Variants in C1orf105 observed in about 807,000 individuals in gnomAD.
The protein encoded by C1orf105 is uncharacterized protein C1orf105.
In C1orf105, 17 loss-of-function variants were observed where a neutral mutation model predicts 20.8. The ratio of observed to expected loss-of-function variants is 0.82; its 90% CI spans 0.56 to 1.23. The LOEUF is 1.23. Among genes scored for constraint, C1orf105 ranks in the 50% most tolerant of loss-of-function variants. The pLI, the probability that C1orf105 is intolerant of heterozygous loss-of-function variation, is 0.00. For synonymous variants in C1orf105, 72 were observed against 72.1 expected, an observed-to-expected ratio of 1.00 and a Z score of 0.01; for missense variants, 219 against 213.5, an observed-to-expected ratio of 1.03 and a Z score of -0.16.
chr1:172,467,636 G>C (rs954804641), intron 6 of C1orf105, among the ~76,000 whole-genome samples: 2 of 152,148 alleles, frequency 1.3e-5, no homozygotes, highest in African/African-American at 4.8e-5. Flanking sequence ...TTGGACTGCT[G>C]TTCCCTCTTA....
At chr1:172,467,406 T>G (rs1650139925) in intron 6 of C1orf105, among the ~76,000 whole-genome samples, 1 of 152,170 alleles carries the variant, frequency 6.6e-6, no homozygotes, top group Non-Finnish European at 1.5e-5. Flanking sequence ...TAGAAAGAAC[T>G]TATCTTTACA....
Position 172,448,544 on chromosome 1 carries a change from T to G in C1orf105, c.198+13T>G, listed in dbSNP as rs1477268877. The G allele has an allele frequency of 1.3e-6, 2 of 1,554,510 alleles. No individual in the cohort carries two copies. Among genetic ancestry groups the G allele is most frequent in the Non-Finnish European group, 1.8e-6 (2 of 1,126,800 alleles). ...TGTTTTATCTAAGGTACTAAAAAATTTTTGTTGAAATGAAACCAACAGCAG... is the reference window on the plus strand; with the variant it reads ...TGTTTTATCTAAGGTACTAAAAAATGTTTGTTGAAATGAAACCAACAGCAG... On this transcript the variant is annotated intron_variant, in intron 3 of 6. Transcript: ENST00000367727.
intron 6 of C1orf105, 188 bp downstream of exon 6, chr1:172,465,551 C>T: frequency 2.9e-6 from 2 of 680,426 alleles, no homozygotes; most frequent in Non-Finnish European, 5.4e-6. Flanking sequence ...ACTCCAGCAC[C>T]ACCTGTGCCC....
intron 2 of C1orf105, among the ~76,000 whole-genome samples, chr1:172,447,055 T>G (rs931040638): frequency 6.6e-6 from 1 of 152,186 alleles, no homozygotes; most frequent in African/African-American, 2.4e-5. Flanking sequence ...ATGAAAAGTC[T>G]TTTGAAAGGA....
chr1:172,444,140 CGT>C, intron 1 of C1orf105: 3 of 989,400 alleles, frequency 3.0e-6, no homozygotes, highest in Non-Finnish European at 3.6e-6. Context: ...ACCATCGCGA[CGT>C]GACTGCTGCC....
At chr1:172,425,461 G>A (rs1240088884) in intron 1 of C1orf105, among the ~76,000 whole-genome samples, 1 of 152,118 alleles carries the variant, frequency 6.6e-6, no homozygotes, top group African/African-American at 2.4e-5. Context: ...GGAAAAAAAA[G>A]CAAAAAGTAT....
At position 172,465,331 on chromosome 1, in the gene C1orf105, C is replaced by T. The variant is rs1165890145; in HGVS notation, c.374C>T (p.Thr125Ile). 1 of 1,613,238 alleles carries T rather than the reference C, an allele frequency of 6.2e-7. No individual in the cohort carries two copies. The highest frequency in any genetic ancestry group is 8.5e-7 in the Non-Finnish European group (1 of 1,179,190). ...MSLHQPKFQT[T>I]PEPFHDDIPT... ...CTTCATCAACCCAAATTCCAGACTA[C>T]ACCTGAGCCTTTCCATGATGACATC... Residue 125 changes from threonine (T) to isoleucine (I), a missense_variant, in exon 6 of 7, where the codon ACA becomes ATA. Coordinates refer to ENST00000367727, the MANE Select transcript of C1orf105 (RefSeq NM_139240.4).
intron 6 of C1orf105, among the ~76,000 whole-genome samples, chr1:172,468,205 G>A (rs1241352209): frequency 1.3e-5 from 2 of 152,032 alleles, no homozygotes; most frequent in Admixed American, 6.6e-5. Flanking sequence ...GACAAGATTT[G>A]TAAAAGTTTA....
chr1:172,462,567 T>C (rs1365958022), intron 5 of C1orf105, among the ~76,000 whole-genome samples: 1 of 152,220 alleles, frequency 6.6e-6, no homozygotes, highest in African/African-American at 2.4e-5. Flanking sequence ...AGATGACATA[T>C]CTAATCTGCA....
In C1orf105 at chr1:172,448,519, T is replaced by A. The variant is rs756806935; in HGVS notation, c.186T>A (p.Asp62Glu). The A allele has an allele frequency of 6.2e-7, 1 of 1,608,954 alleles. No individual in the cohort carries two copies. The highest frequency in any genetic ancestry group is 1.1e-5 in the South Asian group (1 of 90,794). Reference protein sequence around the residue: ...MNLPILFQVPDVLSKARRNQC... With the variant: ...MNLPILFQVPEVLSKARRNQC... Reference sequence around the variant, plus strand: ...TGCCAATTTTGTTTCAAGTTCCAGATGTTTTATCTAAGGTACTAAAAAATT... The same window carrying A: ...TGCCAATTTTGTTTCAAGTTCCAGAAGTTTTATCTAAGGTACTAAAAAATT... Residue 62 changes from aspartate to glutamate, a missense_variant, in exon 3 of 7, where the codon GAT becomes GAA. By Grantham distance (45) the Asp-to-Glu change is conservative. Transcript: ENST00000367727.
chr1:172,440,550 C>T (rs1204959468), intron 1 of C1orf105, among the ~76,000 whole-genome samples: 1 of 152,172 alleles, frequency 6.6e-6, no homozygotes, highest in East Asian at 1.9e-4. Context: ...CCGCCTTAGA[C>T]AAACTGGATT....
At chr1:172,442,296 C>T in intron 1 of C1orf105, 1 of 1,613,638 alleles carries the variant, frequency 6.2e-7, no homozygotes, top group Non-Finnish European at 8.5e-7. Flanking sequence ...CACTCTTCTT[C>T]CGCCCTTCAC....
At chr1:172,441,942 G>C (rs1319571544) in intron 1 of C1orf105, 3 of 1,614,168 alleles carry the variant, frequency 1.9e-6, no homozygotes, top group Admixed American at 1.7e-5. Context: ...CCCCCACATA[G>C]CTCCGGGGAG....
chr1:172,448,030 G>T (rs536810344), intron 2 of C1orf105, among the ~76,000 whole-genome samples: 1 of 152,330 alleles, frequency 6.6e-6, no homozygotes, highest in Non-Finnish European at 1.5e-5. Flanking sequence ...GAAACAGGTG[G>T]ATTGTTTCAG....
chr1:172,449,350 T>C (rs1648356055), intron 3 of C1orf105, among the ~76,000 whole-genome samples: 1 of 151,868 alleles, frequency 6.6e-6, no homozygotes, highest in Non-Finnish European at 1.5e-5. Context: ...GGCACAGCAC[T>C]TGTGAGAGAA....
At chr1:172,441,861 A>C in intron 1 of C1orf105, 3 of 1,614,200 alleles carry the variant, frequency 1.9e-6, no homozygotes, top group Non-Finnish European at 2.5e-6. Flanking sequence ...GCAGAAGGGC[A>C]AAGAGTACGG....
intron 1 of C1orf105, among the ~76,000 whole-genome samples, chr1:172,431,482 TAA>T (rs2071872554): frequency 6.6e-6 from 1 of 152,186 alleles, no homozygotes; most frequent in African/African-American, 2.4e-5. Context: ...GGTTTGAAAC[TAA>T]GAGAGGTTGA....
intron 1 of C1orf105, among the ~76,000 whole-genome samples, chr1:172,426,817 T>G (rs2071735295): frequency 6.6e-6 from 1 of 152,200 alleles, no homozygotes; most frequent in African/African-American, 2.4e-5. Context: ...CCAACTTAAA[T>G]TGAATGGTCA....
chr1:172,465,496 G>A (rs1401896894), intron 6 of C1orf105, 133 bp downstream of exon 6: 13 of 761,802 alleles, frequency 1.7e-5, no homozygotes, highest in Non-Finnish European at 2.1e-5. Flanking sequence ...TCTCTTTCAC[G>A]TATTGTCTTT....
Sources: allele counts gnomAD v4.1 joint callset (sites outside exome capture counted in the v4.1 genomes callset), GRCh38; gene constraint gnomAD v4.1.1; transcripts MANE v1.5; gene names NCBI Gene and HGNC (gene_info 2026-07-23, HGNC 2026-07-21).